SLC6A16: variants seen among roughly 807,000 people sequenced by gnomAD.
SLC6A16 encodes orphan sodium- and chloride-dependent neurotransmitter transporter NTT5.
Under a neutral mutation model 65.4 loss-of-function variants are expected in SLC6A16, and 54 were observed. That is an observed-to-expected ratio of 0.83 (90% CI 0.66 to 1.04). SLC6A16 has a LOEUF of 1.04. SLC6A16 is among the 50% of genes least tolerant of loss of function. The probability of loss-of-function intolerance (pLI) is 0.00; values close to 1 mark genes in which losing one functional copy is unlikely to be tolerated. For missense variants in SLC6A16, 816 were observed against 914.0 expected, an observed-to-expected ratio of 0.89 and a Z score of 1.38; for synonymous variants, 330 against 346.5, an observed-to-expected ratio of 0.95 and a Z score of 0.53.
the SLC6A16 span, chr19:49,337,522 C>A: frequency 1.3e-6 from 1 of 783,260 alleles, no homozygotes; most frequent in Non-Finnish European, 1.9e-6. Context: ...CTTGGGAGGT[C>A]GAGGTGGGAG....
intron 1 of SLC6A16, among the ~76,000 whole-genome samples, chr19:49,321,808 G>C (rs1970715492): frequency 6.6e-6 from 1 of 151,724 alleles, no homozygotes. Flanking sequence ...TGTAGTCCTA[G>C]CTACTCATGA....
intron 1 of SLC6A16, among the ~76,000 whole-genome samples, chr19:49,319,854 A>C (rs189201193): frequency 6.6e-6 from 1 of 152,206 alleles, no homozygotes; most frequent in Admixed American, 6.5e-5. Context: ...TTAGAATGAT[A>C]AATATCATAC....
chr19:49,309,533 T>C lies in SLC6A16; in HGVS notation c.876+118A>G, dbSNP rs577340121. On this transcript the variant is annotated intron_variant, in intron 5 of 11. Transcript: ENST00000335875. ...GTTAGAAGAAAGCCTTCAGCAAGAG[T>C]CAGGGGCTAGGGGAGTAAAAGCCAA... 3 of 1,259,514 alleles carry C rather than the reference T, an allele frequency of 2.4e-6. No individual in the cohort carries two copies. In the Admixed American group the frequency reaches 5.9e-5, roughly 25 times the overall value. 78.0% of individuals were successfully genotyped at this position (1,259,514 alleles called of 1,614,324 possible).
At chr19:49,336,190 A>C in the SLC6A16 span, 3 of 203,506 alleles carry the variant, frequency 1.5e-5, no homozygotes, top group East Asian at 1.2e-4. Context: ...ATAACCCTAA[A>C]CGCTCATATT....
upstream of SLC6A16, among the ~76,000 whole-genome samples, chr19:49,326,959 C>T (rs947145925): frequency 5.3e-5 from 8 of 151,058 alleles, no homozygotes; most frequent in African/African-American, 2.0e-4. Flanking sequence ...GCAGAAGTTG[C>T]AGTAAGCCAA....
intron 1 of SLC6A16, among the ~76,000 whole-genome samples, chr19:49,316,191 A>T (rs1970610749): frequency 6.6e-6 from 1 of 152,204 alleles, no homozygotes; most frequent in African/African-American, 2.4e-5. Flanking sequence ...ATAATTTTTT[A>T]AATATAGAGT....
rs763748878 is a variant in SLC6A16 at position 49,294,347 on chromosome 19, C to A, written c.1416+20G>T. ...GGCTTTCAGGAACTCTAGGCTCCCC[C>A]CTCAGCTATGTTTACTGACCTTAAG... On this transcript the variant is annotated intron_variant, in intron 8 of 11. Transcript: ENST00000335875. 1 of 1,611,490 alleles carries A rather than the reference C, an allele frequency of 6.2e-7. No individual in the cohort carries two copies. Among genetic ancestry groups the A allele is most frequent in the Admixed American group, 1.7e-5 (1 of 59,600 alleles).
At chr19:49,335,794 G>C in the SLC6A16 span, 3 of 1,609,086 alleles carry the variant, frequency 1.9e-6, no homozygotes, top group Non-Finnish European at 2.6e-6. The surrounding 1 kb of genome is among the most constrained non-coding windows in gnomAD (Gnocchi z 4.6). Context: ...TGGGTGAGGG[G>C]GGCTGGGGCA....
intron 8 of SLC6A16, 50 bp downstream of exon 8, chr19:49,294,317 C>T (rs1970141468): frequency 1.3e-6 from 2 of 1,569,284 alleles, no homozygotes; most frequent in African/African-American, 1.4e-5. Context: ...TTCTGTTGTG[C>T]TAAAGGCTTT....
At chr19:49,316,220 T>C (rs1047930421) in intron 1 of SLC6A16, among the ~76,000 whole-genome samples, 5 of 152,118 alleles carry the variant, frequency 3.3e-5, no homozygotes, top group Non-Finnish European at 5.9e-5. Context: ...GGGAAGGTAA[T>C]GGCAATAACA....
chr19:49,339,006 G>C, the SLC6A16 span: 1 of 1,247,232 alleles, frequency 8.0e-7, no homozygotes, highest in Non-Finnish European at 1.2e-6. This position sits in a 1 kb window ranked among gnomAD's most constrained non-coding sequence, Gnocchi z 4.5. Context: ...GGCTGTCAGT[G>C]AGTAGCGGCC....
At chr19:49,293,141 G>A (rs1209454128) in intron 10 of SLC6A16, 82 bp downstream of exon 10, 1 of 1,297,846 alleles carries the variant, frequency 7.7e-7, no homozygotes, top group Admixed American at 2.0e-5. Context: ...ACACTAGGTG[G>A]GTTGACAGTA....
chr19:49,314,447 A>G (rs1330211398), intron 1 of SLC6A16, among the ~76,000 whole-genome samples: 3 of 152,200 alleles, frequency 2.0e-5, no homozygotes, highest in East Asian at 1.9e-4. Flanking sequence ...TTACTTGTCA[A>G]TCATCCCTCA....
At chr19:49,331,941 C>A in the SLC6A16 span, 2 of 452,430 alleles carry the variant, frequency 4.4e-6, no homozygotes, top group Non-Finnish European at 8.9e-6. Context: ...ATGTACTCAT[C>A]TCTGAGGAGG....
chr19:49,327,699 G>A (rs1356916160), upstream of SLC6A16, among the ~76,000 whole-genome samples: 2 of 152,232 alleles, frequency 1.3e-5, no homozygotes, highest in Non-Finnish European at 2.9e-5. Context: ...TAAGAGTGCT[G>A]ATAGGGAGTT....
At chr19:49,325,301 C>T (rs1467027301), upstream of SLC6A16, 1 of 934,124 alleles carries the variant, frequency 1.1e-6, no homozygotes, top group Non-Finnish European at 1.3e-6. Flanking sequence ...CTCCCCAACT[C>T]CCTGCTCTCT....
intron 7 of SLC6A16, among the ~76,000 whole-genome samples, chr19:49,298,142 T>G (rs1970218535): frequency 6.6e-6 from 1 of 152,110 alleles, no homozygotes; most frequent in East Asian, 1.9e-4. Context: ...AATTCCCCAT[T>G]AGATATATTA....
the SLC6A16 span, chr19:49,340,171 C>T: frequency 2.7e-6 from 4 of 1,482,422 alleles, no homozygotes; most frequent in Non-Finnish European, 3.7e-6. Flanking sequence ...CCACCCCTGA[C>T]CTTTCTCGCC....
intron 7 of SLC6A16, among the ~76,000 whole-genome samples, chr19:49,295,548 C>T (rs1343053136): frequency 6.6e-6 from 1 of 151,980 alleles, no homozygotes; most frequent in African/African-American, 2.4e-5. Context: ...ATTTTCTCAT[C>T]GGAAATAATT....
Sources: allele counts gnomAD v4.1 joint callset (sites outside exome capture counted in the v4.1 genomes callset), GRCh38; gene constraint gnomAD v4.1.1; non-coding constraint Gnocchi (gnomAD v3.1); transcripts MANE v1.5; gene names NCBI Gene and HGNC (gene_info 2026-07-23, HGNC 2026-07-21).